TMIGD2: variants seen among roughly 807,000 people sequenced by gnomAD.
The protein encoded by TMIGD2 is transmembrane and immunoglobulin domain-containing protein 2.
Under a neutral mutation model 22.6 loss-of-function variants are expected in TMIGD2, and 18 were observed. The observed-to-expected ratio is 0.80, with a 90% CI of 0.55 to 1.18. TMIGD2 has a LOEUF of 1.18. Among genes scored for constraint, TMIGD2 ranks in the 50% most tolerant of loss-of-function variants. The pLI, the probability that TMIGD2 is intolerant of heterozygous loss-of-function variation, is 0.00. For synonymous variants in TMIGD2, 184 were observed against 154.1 expected (o/e 1.19, Z -1.44); for missense variants, 361 against 378.2 (o/e 0.95, Z 0.38).
chr19:4,299,415 G>A (rs113869351), intron 1 of TMIGD2, among the ~76,000 whole-genome samples: 251 of 152,050 alleles, frequency 1.7e-3, no homozygotes, highest in African/African-American at 5.8e-3. Flanking sequence ...CCAAAGTGCT[G>A]GGATTGTAGA....
At chr19:4,300,130 G>A (rs1227221153) in intron 1 of TMIGD2, among the ~76,000 whole-genome samples, 1 of 151,324 alleles carries the variant, frequency 6.6e-6, no homozygotes, top group Non-Finnish European at 1.5e-5. Context: ...GCATGGTGGC[G>A]GGTGCCTGTA....
At chr19:4,293,919 G>A (rs1021323472) in intron 4 of TMIGD2, among the ~76,000 whole-genome samples, 2 of 149,780 alleles carry the variant, frequency 1.3e-5, no homozygotes, top group East Asian at 2.0e-4. Context: ...AGGCCACCAC[G>A]CCTGGGTAAT....
intron 1 of TMIGD2, among the ~76,000 whole-genome samples, chr19:4,299,692 G>A (rs1012430332): frequency 4.6e-5 from 7 of 151,840 alleles, no homozygotes; most frequent in Non-Finnish European, 1.0e-4. Flanking sequence ...TTCGAGACCC[G>A]TCTGGCCAAC....
chr19:4,301,041 C>T (rs1381676024), intron 1 of TMIGD2, among the ~76,000 whole-genome samples: 1 of 151,666 alleles, frequency 6.6e-6, no homozygotes, highest in African/African-American at 2.4e-5. Context: ...GGTGTGATCT[C>T]GGCTCATTGC....
intron 3 of TMIGD2, 43 bp downstream of exon 3, chr19:4,294,732 G>T (rs1314268154): frequency 6.4e-7 from 1 of 1,571,942 alleles, no homozygotes; most frequent in East Asian, 2.3e-5. Flanking sequence ...GGGTGGTGAT[G>T]CGGGTGGAAG....
At chr19:4,302,367 C>A (rs1439868278) in exon 1 of TMIGD2, 1 of 1,572,412 alleles carries the variant, frequency 6.4e-7, no homozygotes, top group African/African-American at 1.4e-5. Context: ...AGGCCCAGCA[C>A]CATGCCCGGG....
At chr19:4,294,163 G>T (rs1289697952) in intron 4 of TMIGD2, among the ~76,000 whole-genome samples, 1 of 151,654 alleles carries the variant, frequency 6.6e-6, no homozygotes, top group Admixed American at 6.6e-5. Flanking sequence ...TGCCTCCCGG[G>T]TTCAAGCGAT....
chr19:4,292,763 G>A, exon 5 of TMIGD2: 1 of 1,611,244 alleles, frequency 6.2e-7, no homozygotes, highest in Non-Finnish European at 8.5e-7. Context: ...CGGGGGGCCG[G>A]TTGCGGGAAG....
chr19:4,299,382 G>A (rs373804331), intron 1 of TMIGD2, among the ~76,000 whole-genome samples: 4 of 151,888 alleles, frequency 2.6e-5, no homozygotes, highest in African/African-American at 9.7e-5. Flanking sequence ...CTGGGCTCAA[G>A]TGATCCTCCC....
intron 2 of TMIGD2, among the ~76,000 whole-genome samples, chr19:4,296,596 C>T: frequency 6.6e-6 from 1 of 152,192 alleles, no homozygotes; most frequent in East Asian, 1.9e-4. Flanking sequence ...AACGCACAGC[C>T]TGGCGCCTCC....
chr19:4,299,998 C>T (rs868334585), intron 1 of TMIGD2, among the ~76,000 whole-genome samples: 5 of 151,844 alleles, frequency 3.3e-5, no homozygotes, highest in African/African-American at 4.8e-5. Flanking sequence ...CAGTGGCTCA[C>T]GCCTGTAATC....
intron 2 of TMIGD2, 32 bp from the exon 3 acceptor site, chr19:4,294,848 C>A (rs1323795471): frequency 1.6e-5 from 25 of 1,534,118 alleles, no homozygotes; most frequent in Non-Finnish European, 2.1e-5. Flanking sequence ...CACGGGGGTG[C>A]CAGGCTTCTC....
chr19:4,300,099 T>TA, intron 1 of TMIGD2, among the ~76,000 whole-genome samples: 1 of 141,876 alleles, frequency 7.0e-6, no homozygotes, highest in East Asian at 2.1e-4. Flanking sequence ...TGTCTCTACT[T>TA]AAACTACAAA....
intron 1 of TMIGD2, among the ~76,000 whole-genome samples, chr19:4,300,196 G>A (rs1385670109): frequency 6.6e-6 from 1 of 151,960 alleles, no homozygotes. Context: ...GGGAGGTGGA[G>A]GTTGCAGTGA....
exon 2 of TMIGD2, chr19:4,298,045 A>G (rs1971484803): frequency 6.2e-7 from 1 of 1,612,988 alleles, no homozygotes; most frequent in Non-Finnish European, 8.5e-7. Context: ...AGGAATCTCT[A>G]CGGCCGCCCA....
At chr19:4,295,610 T>C (rs1259576357) in intron 2 of TMIGD2, among the ~76,000 whole-genome samples, 1 of 151,986 alleles carries the variant, frequency 6.6e-6, no homozygotes, top group Admixed American at 6.6e-5. Flanking sequence ...TGGGTCATTG[T>C]GGAAAAACTG....
Position 4,293,368 on chromosome 19 carries a change from CT to C in TMIGD2, c.563-484del, listed in dbSNP as rs566337584. The stretch of plus-strand genomic sequence containing the variant: ...CTCCACCTCCCAGGTTCAAGTGATT[CT>C]CCTGCCTCAGTCTCCCTAGTAGCTG... On this transcript the variant is annotated intron_variant, in intron 4 of 4. Coordinates refer to ENST00000301272, the Ensembl canonical transcript of TMIGD2. 3.5e-3 allele frequency among the ~76,000 whole-genome samples: 513 copies of C among 147,348 alleles called. 4 individuals carry two copies. The highest frequency in any genetic ancestry group is 0.011 in the Middle Eastern group (3 of 282).
At chr19:4,302,309 G>T (rs750258871) in intron 1 of TMIGD2, 31 bp downstream of exon 1, 1 of 1,555,172 alleles carries the variant, frequency 6.4e-7, no homozygotes, top group Non-Finnish European at 8.7e-7. Flanking sequence ...CAAGAGTGGG[G>T]TTCAGAGGGG....
intron 1 of TMIGD2, among the ~76,000 whole-genome samples, chr19:4,301,955 A>G (rs1293212307): frequency 6.6e-6 from 1 of 152,186 alleles, no homozygotes; most frequent in East Asian, 1.9e-4. Context: ...GGGTAGAGAC[A>G]TGAGATCTGG....
Sources: allele counts gnomAD v4.1 joint callset (sites outside exome capture counted in the v4.1 genomes callset), GRCh38; gene constraint gnomAD v4.1.1; transcripts MANE v1.5; gene names NCBI Gene and HGNC (gene_info 2026-07-23, HGNC 2026-07-21).